Variants in GEN1 observed in about 807,000 individuals in gnomAD.
GEN1 encodes the protein flap endonuclease GEN homolog 1.
In GEN1, 64 loss-of-function variants were observed where a neutral mutation model predicts 67.6. That is an observed-to-expected ratio of 0.95 (90% confidence interval 0.77 to 1.17). GEN1 has a LOEUF of 1.17. Ranked by LOEUF, GEN1 falls within the 50% of genes most tolerant of loss-of-function variation. The pLI is 0.00. For synonymous variants in GEN1, 371 were observed against 359.4 expected (o/e 1.03, Z -0.37); for missense variants, 1,058 against 1,048.3 (o/e 1.01, Z -0.13).
chr2:17,766,161 ATAAT>A (rs1214483004), intron 4 of GEN1, among the ~76,000 whole-genome samples: 1 of 152,138 alleles, frequency 6.6e-6, no homozygotes, highest in African/African-American at 2.4e-5. Context: ...AGTTTTTGGA[ATAAT>A]TAAACTTTTT....
intron 5 of GEN1, among the ~76,000 whole-genome samples, 156 bp from the exon 6 acceptor site, chr2:17,768,582 G>A (rs1168873062): frequency 1.3e-5 from 2 of 152,108 alleles, no homozygotes; most frequent in Non-Finnish European, 2.9e-5. Flanking sequence ...TGAAGTTTTT[G>A]TTTTATGCAT....
rs34705905 is a variant in GEN1 at position 17,776,115 on chromosome 2, CAAAAAAA to C, written c.1202+1729_1202+1735del. 6.2e-5 allele frequency among the ~76,000 whole-genome samples: 5 copies of C among 80,692 alleles called. No individual in the cohort carries two copies. In the South Asian group the frequency reaches 1.7e-3, roughly 27 times the overall value. The allele number at this position is 80,692 out of a possible 152,430, so 52.9% of individuals were successfully genotyped here. A position where few individuals can be genotyped will look rare whatever the true frequency, so the allele number is the denominator to read the frequency against. ...TTGGTGACAGAGTGAGACCCTGTCT[CAAAAAAA>C]AAAAAAAAAAAAAAGGAAAGTTTAA... On this transcript the variant is annotated intron_variant, in intron 11 of 13. Coordinates refer to ENST00000381254, the MANE Select transcript of GEN1 (RefSeq NM_001130009.3).
In GEN1 at chr2:17,764,953, T is replaced by C. The variant is rs912221893; in HGVS notation, c.405T>C (p.Ala135=). ...GIPWVQAAGE[A]EAMCAYLNAG... ...CCTGGGTTCAGGCTGCTGGGGAAGC[T>C]GAAGCCATGTGTGCTTATCTCAATG... Residue 135 remains alanine, a synonymous_variant, in exon 4 of 14, where the codon GCT becomes GCC. Transcript: ENST00000381254. The C allele has an allele frequency of 1.9e-6, 3 of 1,614,088 alleles. No individual in the cohort carries two copies. The highest frequency in any genetic ancestry group is 2.5e-6 in the Non-Finnish European group (3 of 1,180,024).
chr2:17,755,006 G>A (rs185634163), intron 1 of GEN1: 3 of 152,240 alleles, frequency 2.0e-5, no homozygotes, highest in African/African-American at 7.2e-5. Flanking sequence ...GGAAAATAAT[G>A]CATTGACTGC....
rs71402623 is a variant in GEN1 at position 17,778,176 on chromosome 2, A to G, written c.1264+113A>G. 114,494 of 292,364 alleles carry G rather than the reference A, an allele frequency of 0.39. 20,080 individuals carry two copies. The highest frequency in any genetic ancestry group is 0.53 in the South Asian group (15,077 of 28,314). The allele number at this position is 292,364 out of a possible 1,614,324, so 18.1% of individuals were successfully genotyped here. A position where few individuals can be genotyped will look rare whatever the true frequency, so the allele number is the denominator to read the frequency against. The stretch of plus-strand genomic sequence containing the variant: ...TATACACACACACATAGATATGTGT[A>G]TATATATATATACACACACACATAT... On this transcript the variant is annotated intron_variant, in intron 12 of 13. Coordinates refer to ENST00000381254, the MANE Select transcript of GEN1 (RefSeq NM_001130009.3).
chr2:17,776,466 G>T (rs1477087286), intron 11 of GEN1, among the ~76,000 whole-genome samples: 2 of 152,164 alleles, frequency 1.3e-5, no homozygotes, highest in African/African-American at 4.8e-5. Context: ...ATTTAGGGGT[G>T]ATGTGCCATG....
Position 17,774,293 on chromosome 2 carries a change from A to C in GEN1, c.1094A>C (p.Glu365Ala). 1 of 1,569,002 alleles carries C rather than the reference A, an allele frequency of 6.4e-7. No homozygotes were observed. Among genetic ancestry groups the C allele is most frequent in the African/African-American group, 1.4e-5 (1 of 73,584 alleles). ...TAGAGATTTACTCTTGAAAAAATGG[A>C]GTGGCCCAATCACTATGCATGTGAG... ...LFQRFTLEKM[E>A]WPNHYACEKL... Residue 365 changes from glutamate to alanine, a missense_variant, in exon 11 of 14, where the codon GAG becomes GCG. Coordinates refer to ENST00000381254, the MANE Select transcript of GEN1 (RefSeq NM_001130009.3).
upstream of GEN1, chr2:17,753,492 G>A (rs1472476518): frequency 6.6e-6 from 1 of 152,440 alleles, no homozygotes; most frequent in East Asian, 1.9e-4. Flanking sequence ...GGCCCGCAAG[G>A]ACGACCATGA....
intron 1 of GEN1, among the ~76,000 whole-genome samples, chr2:17,756,381 T>C (rs1227532488): frequency 1.3e-5 from 2 of 152,240 alleles, no homozygotes; most frequent in Non-Finnish European, 2.9e-5. Context: ...TGACAGCTAA[T>C]TCTTAAAAAA....
intron 6 of GEN1, among the ~76,000 whole-genome samples, chr2:17,770,721 T>G (rs1183698145): frequency 2.0e-5 from 3 of 152,116 alleles, no homozygotes; most frequent in Non-Finnish European, 2.9e-5. Context: ...TTTAGCTTTT[T>G]GATACAGTTT....
chr2:17,778,354 G>GTATA (rs1323517487), intron 12 of GEN1, among the ~76,000 whole-genome samples: 3 of 49,160 alleles, frequency 6.1e-5, no homozygotes, highest in Non-Finnish European at 1.2e-4. Context: ...ACACATGTGT[G>GTATA]TACATATATG....
rs750731654 is a variant in GEN1, at chr2:17,766,636, A to G, written c.583A>G (p.Arg195Gly). The G allele has an allele frequency of 4.3e-6, 7 of 1,609,506 alleles. No individual in the cohort carries two copies. The highest frequency in any genetic ancestry group is 5.1e-6 in the Non-Finnish European group (6 of 1,176,054). ...TATCAAGAGTAAACTAGGTTTGGAT[A>G]GAGATGCTCTGGTTGGATTAGCAAT... ...SSIKSKLGLD[R>G]DALVGLAILL... Residue 195 changes from arginine (R) to glycine (G), a missense_variant, in exon 5 of 14, where the codon AGA (arginine) becomes GGA (glycine). Physicochemically the swap from Arg to Gly is moderately radical, Grantham distance 125 (BLOSUM62 -2). Coordinates refer to ENST00000381254, the MANE Select transcript of GEN1 (RefSeq NM_001130009.3).
chr2:17,768,341 A>G (rs1188036642), intron 5 of GEN1, among the ~76,000 whole-genome samples: 3 of 152,226 alleles, frequency 2.0e-5, no homozygotes, highest in African/African-American at 7.2e-5. Context: ...TTAAATGTTC[A>G]TGTAATTAAA....
At chr2:17,763,777 C>T (rs1362779574) in intron 3 of GEN1, among the ~76,000 whole-genome samples, 3 of 152,248 alleles carry the variant, frequency 2.0e-5, no homozygotes, top group Non-Finnish European at 4.4e-5. Context: ...ACAAAACTGT[C>T]TCTCTAAAAT....
intron 1 of GEN1, among the ~76,000 whole-genome samples, chr2:17,758,224 T>C (rs1671513290): frequency 6.6e-6 from 1 of 152,216 alleles, no homozygotes; most frequent in Non-Finnish European, 1.5e-5. Context: ...GGAAGAGATA[T>C]TGCTAAACCA....
rs182426518 is a variant in GEN1 at position 17,771,332 on chromosome 2, T to G, written c.802+45T>G. ...GGTTATTAGTATCTCATACCCATGT[T>G]TTAATTCTTGTTCACATAGTACTTT... On this transcript the variant is annotated intron_variant, in intron 7 of 13. Transcript: ENST00000381254. The G allele has an allele frequency of 1.3e-4, 148 of 1,122,842 alleles. No homozygotes were observed. The African/African-American group carries it at 2.1e-3, about 16-fold the overall frequency. The allele number at this position is 1,122,842 out of a possible 1,614,324, so 69.6% of individuals were successfully genotyped here.
rs1671950578 is a variant in GEN1 at position 17,766,668 on chromosome 2, T to C, written c.615T>C (p.Leu205=). ...RDALVGLAIL[L]GCDYLPKGVP... ...CTCTGGTTGGATTAGCAATACTTCTTGGCTGTGATTATCTCCCAAAGGTAA... is the reference window on the plus strand; with the variant it reads ...CTCTGGTTGGATTAGCAATACTTCTCGGCTGTGATTATCTCCCAAAGGTAA... Residue 205 remains leucine, a synonymous_variant, in exon 5 of 14, where the codon CTT becomes CTC. Coordinates refer to ENST00000381254, the MANE Select transcript of GEN1 (RefSeq NM_001130009.3). The C allele has an allele frequency of 6.3e-7, 1 of 1,591,872 alleles. No homozygotes were observed. The highest frequency in any genetic ancestry group is 1.7e-5 in the Admixed American group (1 of 59,824).
rs1332707518 is a variant in GEN1 at position 17,782,194 on chromosome 2, T to C, written c.*255T>C. The C allele has an allele frequency of 6.6e-6, 2 of 304,624 alleles. No individual in the cohort carries two copies. Among genetic ancestry groups the C allele is most frequent in the Non-Finnish European group, 6.0e-6 (1 of 166,232 alleles). 18.9% of individuals were successfully genotyped at this position (304,624 alleles called of 1,614,324 possible). A position where few individuals can be genotyped will look rare whatever the true frequency, so the allele number is the denominator to read the frequency against. ...ATTCCTTAATTGTAGTTTTAAAATA[T>C]TGGTATAGTACTTGACAGAGTAAAT... On this transcript the variant is annotated 3_prime_UTR_variant, in exon 14 of 14. Transcript: ENST00000381254.
intron 9 of GEN1, 42 bp downstream of exon 9, chr2:17,773,174 C>T: frequency 1.3e-6 from 2 of 1,549,686 alleles, no homozygotes; most frequent in Non-Finnish European, 1.8e-6. Flanking sequence ...TAGAAACTTT[C>T]TTAAAAGTTT....
Sources: allele counts gnomAD v4.1 joint callset (sites outside exome capture counted in the v4.1 genomes callset), GRCh38; gene constraint gnomAD v4.1.1; transcripts MANE v1.5; gene names NCBI Gene and HGNC (gene_info 2026-07-23, HGNC 2026-07-21).